GRIK1: variants seen among roughly 807,000 people sequenced by gnomAD.
GRIK1 encodes glutamate receptor ionotropic, kainate 1.
GRIK1 carries 69 observed loss-of-function variants against 105.7 expected under a neutral mutation model. The ratio of observed to expected loss-of-function variants is 0.65; its 90% CI spans 0.54 to 0.80. GRIK1 has a LOEUF of 0.80. Among genes scored for constraint, GRIK1 ranks in the 30% least tolerant of loss-of-function variants. GRIK1 has a pLI of 0.00. For synonymous variants in GRIK1, 438 were observed against 431.3 expected (o/e 1.02, Z -0.19); for missense variants, 1,109 against 1,167.3 (o/e 0.95, Z 0.73).
intron 1 of GRIK1, among the ~76,000 whole-genome samples, chr21:29,869,479 T>C (rs2068937110): frequency 6.6e-6 from 1 of 152,230 alleles, no homozygotes; most frequent in African/African-American, 2.4e-5. Context: ...AGCATTGATA[T>C]TGATTGTGGT....
intron 16 of GRIK1, among the ~76,000 whole-genome samples, chr21:29,538,318 G>A (rs2089914530): frequency 6.6e-6 from 1 of 152,102 alleles, no homozygotes; most frequent in Non-Finnish European, 1.5e-5. Flanking sequence ...AGCCAGCACA[G>A]GAGGACAAAG....
intron 1 of GRIK1, among the ~76,000 whole-genome samples, chr21:29,849,513 C>T (rs2146039538): frequency 6.6e-6 from 1 of 152,288 alleles, no homozygotes; most frequent in East Asian, 1.9e-4. Flanking sequence ...CCCATCCTTC[C>T]TTAGAGCGTC....
intron 7 of GRIK1, among the ~76,000 whole-genome samples, chr21:29,606,079 T>G (rs932505152): frequency 8.6e-5 from 13 of 151,690 alleles, no homozygotes; most frequent in African/African-American, 2.7e-4. Flanking sequence ...TACAATAGCC[T>G]CATCCAAGGG....
At chr21:29,787,472 T>C (rs1196135598) in intron 1 of GRIK1, among the ~76,000 whole-genome samples, 2 of 152,212 alleles carry the variant, frequency 1.3e-5, no homozygotes, top group Non-Finnish European at 2.9e-5. Flanking sequence ...GATAATTTTG[T>C]TTATTTAATT....
At chr21:29,692,321 C>T (rs1258730961) in intron 2 of GRIK1, among the ~76,000 whole-genome samples, 1 of 151,994 alleles carries the variant, frequency 6.6e-6, no homozygotes, top group Non-Finnish European at 1.5e-5. Flanking sequence ...GTGTTAGTGT[C>T]TGTTTGCATA....
intron 7 of GRIK1, among the ~76,000 whole-genome samples, chr21:29,609,292 A>C (rs940063533): frequency 6.6e-6 from 1 of 152,030 alleles, no homozygotes; most frequent in African/African-American, 2.4e-5. Flanking sequence ...CTCCCTGACC[A>C]CTCAGAATTC....
At chr21:29,891,517 T>C (rs1027175302) in intron 1 of GRIK1, among the ~76,000 whole-genome samples, 1 of 152,226 alleles carries the variant, frequency 6.6e-6, no homozygotes, top group African/African-American at 2.4e-5. Flanking sequence ...CTTCCCTTTC[T>C]GTGATAAAGA....
intron 14 of GRIK1, among the ~76,000 whole-genome samples, chr21:29,566,353 G>A (rs1368281329): frequency 6.6e-6 from 1 of 152,114 alleles, no homozygotes; most frequent in Non-Finnish European, 1.5e-5. Context: ...AACTGAAAAA[G>A]CCTCATTTAT....
At chr21:29,867,780 G>A (rs2068847729) in intron 1 of GRIK1, among the ~76,000 whole-genome samples, 1 of 144,730 alleles carries the variant, frequency 6.9e-6, no homozygotes, top group African/African-American at 2.6e-5. Flanking sequence ...GGCAATAAGA[G>A]TGAAACTATG....
chr21:29,762,066 A>G (rs2065540722), intron 1 of GRIK1, among the ~76,000 whole-genome samples: 1 of 152,248 alleles, frequency 6.6e-6, no homozygotes, highest in Non-Finnish European at 1.5e-5. Context: ...TCTATCGCAC[A>G]AAATAAAGTA....
chr21:29,929,780 T>G (rs940089199), intron 1 of GRIK1, among the ~76,000 whole-genome samples: 3 of 152,098 alleles, frequency 2.0e-5, no homozygotes, highest in Non-Finnish European at 2.9e-5. Context: ...AAACTAAAAA[T>G]AAAATTATCA....
intron 1 of GRIK1, among the ~76,000 whole-genome samples, chr21:29,937,918 T>A (rs577665892): frequency 0.014 from 2,107 of 152,132 alleles, 19 homozygotes; most frequent in South Asian, 0.025. Context: ...AGTTTTTTTT[T>A]AAAAAAATAA....
chr21:29,862,017 T>G lies in GRIK1; in HGVS notation c.118+77366A>C, dbSNP rs535871328. Among the ~76,000 whole-genome samples, 5 of 152,300 alleles carry G rather than the reference T, an allele frequency of 3.3e-5. No homozygotes were observed. The East Asian group carries it at 9.6e-4, about 29-fold the overall frequency. On this transcript the variant is annotated intron_variant, in intron 1 of 17. Coordinates refer to ENST00000327783, the MANE Select transcript of GRIK1 (RefSeq NM_001330994.2). ...ATATTTAATTTATGTTTTTTAGAGA[T>G]AGAGTCTTGCCCAGGCTGTGGTGCA... is the stretch of plus-strand genomic sequence containing the variant.
At position 29,591,227 on chromosome 21, in the gene GRIK1, TACACAGA is replaced by T; in HGVS notation, c.1252-9_1252-3del. The stretch of plus-strand genomic sequence containing the variant: ...ACTGTTGGAATTCCAAATCCCAATC[TACACAGA>T]ACACAGTACATCAGAGGCTGCTGGC... On this transcript the variant is annotated splice_region_variant and splice_polypyrimidine_tract_variant and intron_variant, in intron 9 of 17. Transcript: ENST00000327783. The T allele has an allele frequency of 6.5e-7, 1 of 1,533,888 alleles. No individual in the cohort carries two copies. Among genetic ancestry groups the T allele is most frequent in the Non-Finnish European group, 9.0e-7 (1 of 1,106,938 alleles).
At chr21:29,877,291 C>T (rs763393129) in intron 1 of GRIK1, among the ~76,000 whole-genome samples, 9 of 152,004 alleles carry the variant, frequency 5.9e-5, no homozygotes, top group Non-Finnish European at 1.2e-4. Flanking sequence ...ACTTTTAATC[C>T]TTAATTAATC....
intron 1 of GRIK1, among the ~76,000 whole-genome samples, chr21:29,920,252 T>C (rs191175445): frequency 6.6e-6 from 1 of 152,078 alleles, no homozygotes; most frequent in African/African-American, 2.4e-5. Flanking sequence ...TAAATTTAAC[T>C]TGAGGAATAG....
intron 1 of GRIK1, among the ~76,000 whole-genome samples, chr21:29,930,394 G>C (rs913440517): frequency 1.3e-5 from 2 of 152,086 alleles, no homozygotes; most frequent in Admixed American, 1.3e-4. Flanking sequence ...ACCTTTAAAA[G>C]TTATGATTGA....
chr21:29,687,310 A>G (rs2063503750), intron 3 of GRIK1, among the ~76,000 whole-genome samples: 1 of 152,046 alleles, frequency 6.6e-6, no homozygotes, highest in South Asian at 2.1e-4. Flanking sequence ...AAGCACACCT[A>G]AGTCCTTTCT....
At position 29,554,999 on chromosome 21, in the gene GRIK1, A is replaced by G. The variant is rs1021613828; in HGVS notation, c.2607+53T>C. Reference sequence around the variant, plus strand: ...AACATCCTTAAAAACCCCCAAACTTAAGACAGATAATGCAAACTATAAACT... The same window carrying G: ...AACATCCTTAAAAACCCCCAAACTTGAGACAGATAATGCAAACTATAAACT... On this transcript the variant is annotated intron_variant, in intron 16 of 17. Coordinates refer to ENST00000327783, the MANE Select transcript of GRIK1 (RefSeq NM_001330994.2). 31 of 1,467,862 alleles carry G rather than the reference A, an allele frequency of 2.1e-5. No individual in the cohort carries two copies. The African/African-American group carries it at 4.2e-4, about 20-fold the overall frequency. The allele number at this position is 1,467,862 out of a possible 1,614,324, so 90.9% of individuals were successfully genotyped here. A position where few individuals can be genotyped will look rare whatever the true frequency, so the allele number is the denominator to read the frequency against.
Sources: allele counts gnomAD v4.1 joint callset (sites outside exome capture counted in the v4.1 genomes callset), GRCh38; gene constraint gnomAD v4.1.1; transcripts MANE v1.5; gene names NCBI Gene and HGNC (gene_info 2026-07-23, HGNC 2026-07-21).